MAF: variants seen among roughly 807,000 people sequenced by gnomAD.
MAF encodes the protein transcription factor Maf.
A neutral mutation model predicts 22.0 loss-of-function variants in MAF; 10 were observed. The observed-to-expected ratio is 0.45, with a 90% CI of 0.28 to 0.77. The LOEUF (loss-of-function observed/expected upper bound fraction) is 0.77, where lower values mean the gene tolerates loss of function less well. Among genes scored for constraint, MAF ranks in the 30% least tolerant of loss-of-function variants. The pLI is 0.12. For missense variants in MAF, 544 were observed against 548.4 expected (o/e 0.99, Z 0.08); for synonymous variants, 337 against 255.8 (o/e 1.32, Z -3.03).
At chr16:79,479,586 T>C in the MAF span, among the ~76,000 whole-genome samples, 1 of 152,174 alleles carries the variant, frequency 6.6e-6, no homozygotes, top group East Asian at 1.9e-4. Context: ...CGTCCCCCTC[T>C]CTAGAGCCGA....
At chr16:79,310,167 G>T in the MAF span, among the ~76,000 whole-genome samples, 5 of 152,138 alleles carry the variant, frequency 3.3e-5, no homozygotes, top group Non-Finnish European at 7.4e-5. Flanking sequence ...TTGGCACAAG[G>T]TTCAGCCACC....
chr16:79,472,623 A>G, the MAF span, among the ~76,000 whole-genome samples: 1 of 152,242 alleles, frequency 6.6e-6, no homozygotes, highest in African/African-American at 2.4e-5. Flanking sequence ...GAGGCAGAGA[A>G]GAAATGGGGA....
the MAF span, among the ~76,000 whole-genome samples, chr16:79,411,459 G>A: frequency 1.2e-4 from 18 of 152,262 alleles, no homozygotes; most frequent in African/African-American, 3.4e-4. Context: ...GGCCTCTGAA[G>A]CCTGCATGAC....
chr16:79,317,759 G>A, the MAF span, among the ~76,000 whole-genome samples: 1 of 152,118 alleles, frequency 6.6e-6, no homozygotes, highest in South Asian at 2.1e-4. Context: ...GATTTGCTCT[G>A]GGCTCCACCT....
the MAF span, among the ~76,000 whole-genome samples, chr16:79,263,338 G>T: frequency 1.3e-5 from 2 of 152,184 alleles, no homozygotes; most frequent in African/African-American, 4.8e-5. Context: ...GCTATCTATA[G>T]TTACAAATAT....
At chr16:79,395,546 G>A in the MAF span, among the ~76,000 whole-genome samples, 3 of 152,102 alleles carry the variant, frequency 2.0e-5, no homozygotes, top group East Asian at 1.9e-4. Context: ...AGGCACTGAG[G>A]GGCAGGAATG....
the MAF span, among the ~76,000 whole-genome samples, chr16:79,435,509 C>T: frequency 6.6e-6 from 1 of 152,300 alleles, no homozygotes; most frequent in East Asian, 1.9e-4. Flanking sequence ...CATGTACATT[C>T]AGTCATTCAT....
the MAF span, among the ~76,000 whole-genome samples, chr16:79,577,770 T>C: frequency 6.6e-6 from 1 of 152,218 alleles, no homozygotes. Context: ...TGAAAGTCTA[T>C]CTATAGTAAA....
At chr16:79,325,598 A>AACACACACACACACAC in the MAF span, among the ~76,000 whole-genome samples, 53 of 145,530 alleles carry the variant, frequency 3.6e-4, no homozygotes, top group African/African-American at 1.2e-3. Flanking sequence ...CCCAGACACA[A>AACACACACACACACAC]ACACACACAC....
downstream of MAF, among the ~76,000 whole-genome samples, chr16:79,581,473 G>A (rs1358282429): frequency 6.6e-6 from 1 of 152,168 alleles, no homozygotes; most frequent in African/African-American, 2.4e-5. Flanking sequence ...GCTGCTGGCA[G>A]CACCCAGGAG....
the MAF span, among the ~76,000 whole-genome samples, chr16:79,346,160 T>C: frequency 6.6e-6 from 1 of 151,924 alleles, no homozygotes; most frequent in African/African-American, 2.4e-5. Context: ...GTGTATCTCC[T>C]AATGCTATTC....
chr16:79,584,399 TCTC>T (rs2143685297), downstream of MAF, among the ~76,000 whole-genome samples: 1 of 152,320 alleles, frequency 6.6e-6, no homozygotes, highest in South Asian at 2.1e-4. Context: ...GAATTGTCCT[TCTC>T]CTCCCCAGAT....
chr16:79,599,981 G>A lies in MAF; in HGVS notation c.-79C>T. 3 of 1,585,920 alleles carry A rather than the reference G, an allele frequency of 1.9e-6. No individual in the cohort carries two copies. The highest frequency in any genetic ancestry group is 2.6e-6 in the Non-Finnish European group (3 of 1,171,476). ...GAGGGGCCAGCGGGCTGTGCTGGGT[G>A]GCCAGCGGGTGAGCCAGCTTGCCGG... On this transcript the variant is annotated 5_prime_UTR_variant, in exon 1 of 2. Transcript: ENST00000326043.
the MAF span, among the ~76,000 whole-genome samples, chr16:79,446,442 G>C: frequency 1.3e-5 from 2 of 152,084 alleles, no homozygotes; most frequent in Non-Finnish European, 2.9e-5. Flanking sequence ...AGTATTAATA[G>C]CACCCTTTCA....
chr16:79,598,739 G>A (rs1275193912), intron 1 of MAF, 46 bp downstream of exon 1: 1 of 1,612,718 alleles, frequency 6.2e-7, no homozygotes, highest in Non-Finnish European at 8.5e-7. Flanking sequence ...GGACCCCCGC[G>A]GAGCACTTAT....
chr16:79,423,190 C>T, the MAF span, among the ~76,000 whole-genome samples: 1 of 152,088 alleles, frequency 6.6e-6, no homozygotes. Context: ...GTACCTATAC[C>T]GCAAGAGTTA....
the MAF span, among the ~76,000 whole-genome samples, chr16:79,310,772 G>A: frequency 6.6e-6 from 1 of 152,196 alleles, no homozygotes; most frequent in South Asian, 2.1e-4. Flanking sequence ...TAGCTTCTCA[G>A]CTCCTGCTGC....
At chr16:79,517,748 T>C in the MAF span, among the ~76,000 whole-genome samples, 1 of 152,078 alleles carries the variant, frequency 6.6e-6, no homozygotes, top group Non-Finnish European at 1.5e-5. Flanking sequence ...CTAATTTTTG[T>C]ATTTTTAGTA....
At chr16:79,486,602 T>C in the MAF span, among the ~76,000 whole-genome samples, 4 of 152,230 alleles carry the variant, frequency 2.6e-5, no homozygotes, top group African/African-American at 7.2e-5. Flanking sequence ...TTATTGCTCA[T>C]TCAACCCAAG....
Sources: gnomAD v4.1 joint callset for allele counts (sites outside exome capture counted in the v4.1 genomes callset) on GRCh38, gnomAD v4.1.1 for gene constraint, MANE v1.5 for transcripts, NCBI Gene and HGNC (gene_info 2026-07-23, HGNC 2026-07-21) for gene names.